Variants in TAS1R1 observed in about 807,000 individuals in gnomAD.
TAS1R1 encodes the protein taste receptor type 1 member 1.
Under a neutral mutation model 45.8 loss-of-function variants are expected in TAS1R1, and 31 were observed. That is an observed-to-expected ratio of 0.68 (90% confidence interval 0.51 to 0.91). TAS1R1 has a LOEUF of 0.91. Ranked by LOEUF, TAS1R1 falls within the 40% of genes least tolerant of loss-of-function variation. The pLI is 0.00. For synonymous variants in TAS1R1, 437 were observed against 448.4 expected (o/e 0.97, Z 0.32); for missense variants, 1,051 against 1,063.9 (o/e 0.99, Z 0.17).
At position 6,579,249 on chromosome 1, in the gene TAS1R1, G is replaced by T. The variant is rs774751307; in HGVS notation, c.2191G>T (p.Ala731Ser). The part of the protein sequence containing the change: ...TETNSLGFIL[A>S]FLYNGLLSIS... ...GACCAACTCCCTGGGCTTCATACTG[G>T]CCTTCCTCTACAATGGCCTCCTCTC... Residue 731 changes from alanine to serine, a missense_variant, in exon 6 of 6, where the codon GCC (alanine) becomes TCC (serine). Physicochemically the swap from Ala to Ser is moderately conservative, Grantham distance 99 (BLOSUM62 1). Coordinates refer to ENST00000333172, the MANE Select transcript of TAS1R1 (RefSeq NM_138697.4). 24 of 1,614,166 alleles carry T rather than the reference G, an allele frequency of 1.5e-5. No individual in the cohort carries two copies. In the South Asian group the frequency reaches 2.3e-4, roughly 16 times the overall value.
rs796446572 is a variant in TAS1R1, at chr1:6,558,039, T to G, written c.191+2475T>G. ...GGTTAAGCAGGTGTAGTGGTTAGTT[T>G]TTGTTTTTGTTTTTGTTTTTTTTCT... On this transcript the variant is annotated intron_variant, in intron 1 of 5. Transcript: ENST00000333172. Among the ~76,000 whole-genome samples the G allele has an allele frequency of 2.3e-4, 34 of 145,514 alleles. 1 individual carries two copies. The highest frequency in any genetic ancestry group is 7.4e-4 in the African/African-American group (27 of 36,346).
intron 3 of TAS1R1, 46 bp from the exon 4 acceptor site, chr1:6,576,369 G>C (rs1202746051): frequency 5.6e-6 from 9 of 1,592,956 alleles, no homozygotes; most frequent in African/African-American, 1.3e-5. Context: ...GGGACCATGT[G>C]GGTCTGTGCT....
In TAS1R1 at chr1:6,579,154, T is replaced by G. The variant is rs763272067; in HGVS notation, c.2096T>G (p.Val699Gly). Reference protein sequence around the residue: ...AQLLICLTWLVVWTPLPAREY... With the variant: ...AQLLICLTWLGVWTPLPAREY... ...CTGCTTATCTGTCTAACTTGGCTGG[T>G]GGTGTGGACCCCACTGCCTGCTAGG... The change falls in exon 6 of 6, where the codon GTG becomes GGG. Residue 699 changes from valine (V) to glycine (G), a missense_variant. By Grantham distance (109) the Val-to-Gly change is moderately radical. Transcript: ENST00000333172. 5 of 1,614,198 alleles carry G rather than the reference T, an allele frequency of 3.1e-6. No homozygotes were observed. The highest frequency in any genetic ancestry group is 4.2e-6 in the Non-Finnish European group (5 of 1,180,030).
At position 6,575,154 on chromosome 1, in the gene TAS1R1, A is replaced by G. The variant is rs762326210; in HGVS notation, c.1022A>G (p.Tyr341Cys). 11 of 1,592,446 alleles carry G rather than the reference A, an allele frequency of 6.9e-6. No individual in the cohort carries two copies. Among genetic ancestry groups the G allele is most frequent in the South Asian group, 1.1e-5 (1 of 87,530 alleles). Residue 341 changes from tyrosine (Y) to cysteine (C), a missense_variant, in exon 3 of 6, where the codon TAT becomes TGT. By Grantham distance (194) the Tyr-to-Cys change is radical. Transcript: ENST00000333172. ...GGCCTGAAGGCGTTTGAAGAAGCCT[A>G]TGCCCGGGCAGACAAGAAGGCCCCT... ...VPGLKAFEEA[Y>C]ARADKKAPRP...
At chr1:6,560,817 C>T (rs536684314) in intron 1 of TAS1R1, among the ~76,000 whole-genome samples, 69 of 151,988 alleles carry the variant, frequency 4.5e-4, no homozygotes, top group African/African-American at 1.6e-3. Flanking sequence ...CCCGTCTCTA[C>T]AAAAAATACA....
chr1:6,557,495 C>CAT (rs1343721421), intron 1 of TAS1R1, among the ~76,000 whole-genome samples: 1 of 152,194 alleles, frequency 6.6e-6, no homozygotes, highest in Non-Finnish European at 1.5e-5. Flanking sequence ...GTGGTGCAAT[C>CAT]ATAGCTCACT....
intron 1 of TAS1R1, among the ~76,000 whole-genome samples, chr1:6,558,386 T>G (rs1429445518): frequency 1.3e-5 from 2 of 152,064 alleles, no homozygotes; most frequent in Non-Finnish European, 2.9e-5. Flanking sequence ...AGTTGTGTAG[T>G]CAAACATCAG....
At chr1:6,557,907 C>T (rs1639713326) in intron 1 of TAS1R1, among the ~76,000 whole-genome samples, 1 of 152,204 alleles carries the variant, frequency 6.6e-6, no homozygotes, top group African/African-American at 2.4e-5. Context: ...CTGTCCCTGG[C>T]TCATTCCTGG....
chr1:6,573,737 A>G (rs182153736), intron 2 of TAS1R1, among the ~76,000 whole-genome samples: 2 of 151,546 alleles, frequency 1.3e-5, no homozygotes, highest in African/African-American at 4.9e-5. Flanking sequence ...ATCTCGACTC[A>G]CTGCAAGCTC....
At chr1:6,575,842 G>A (rs887182919) in intron 3 of TAS1R1, among the ~76,000 whole-genome samples, 13 of 151,914 alleles carry the variant, frequency 8.6e-5, no homozygotes, top group East Asian at 1.9e-4. Flanking sequence ...ACGGGCGCCC[G>A]CCACCACGCC....
At chr1:6,561,670 G>T (rs548729027) in intron 1 of TAS1R1, among the ~76,000 whole-genome samples, 1 of 151,164 alleles carries the variant, frequency 6.6e-6, no homozygotes, top group African/African-American at 2.4e-5. Flanking sequence ...AGCCCAGCTC[G>T]CGCCACCGCA....
At chr1:6,564,982 T>C (rs561451313) in intron 1 of TAS1R1, among the ~76,000 whole-genome samples, 4 of 151,730 alleles carry the variant, frequency 2.6e-5, no homozygotes, top group South Asian at 2.1e-4. Context: ...TTATGTCTCT[T>C]AGTGCGGTGA....
chr1:6,574,822 C>T lies in TAS1R1; in HGVS notation c.690C>T (p.Asn230=). 1 of 1,614,250 alleles carries T rather than the reference C, an allele frequency of 6.2e-7. No individual in the cohort carries two copies. The change falls in exon 3 of 6, where the codon AAC becomes AAT. Residue 230 remains asparagine, a synonymous_variant. Transcript: ENST00000333172. This position sits in a 1 kb window ranked among gnomAD's most constrained non-coding sequence, Gnocchi z 4.3. ...AGCTAGGGGTGCAGGCACTGGAGAA[C>T]CAGGCCACTGGTCAGGGGATCTGCA... The part of the protein sequence containing the change: ...YGQLGVQALE[N]QATGQGICIA...
chr1:6,573,646 T>C (rs949018783), intron 2 of TAS1R1, among the ~76,000 whole-genome samples: 4 of 151,778 alleles, frequency 2.6e-5, no homozygotes, highest in African/African-American at 9.7e-5. Context: ...TTACATTTAT[T>C]TATTTATTTA....
chr1:6,571,249 C>T, intron 2 of TAS1R1, 34 bp downstream of exon 2: 1 of 1,529,188 alleles, frequency 6.5e-7, no homozygotes, highest in Non-Finnish European at 8.8e-7. Context: ...GCCCATCTCC[C>T]TTCAGGCAAG....
intron 1 of TAS1R1, among the ~76,000 whole-genome samples, chr1:6,565,052 T>A (rs1157950690): frequency 3.3e-5 from 5 of 151,970 alleles, no homozygotes; most frequent in African/African-American, 1.2e-4. Context: ...CGCACCGATA[T>A]GGAAGGATTA....
At chr1:6,576,805 C>A (rs1640191666) in intron 4 of TAS1R1, 145 bp from the exon 5 acceptor site, 16 of 1,433,560 alleles carry the variant, frequency 1.1e-5, no homozygotes, top group Non-Finnish European at 1.5e-5. Flanking sequence ...TGTGCAGATG[C>A]CCTGGGGCGG....
At chr1:6,563,647 G>A (rs962675007) in intron 1 of TAS1R1, among the ~76,000 whole-genome samples, 4 of 152,144 alleles carry the variant, frequency 2.6e-5, no homozygotes, top group Admixed American at 6.6e-5. Flanking sequence ...ATGGGGTTGG[G>A]CTGGTTTAGT....
At chr1:6,573,155 T>C (rs1640063885) in intron 2 of TAS1R1, among the ~76,000 whole-genome samples, 2 of 152,152 alleles carry the variant, frequency 1.3e-5, no homozygotes, top group Non-Finnish European at 2.9e-5. Flanking sequence ...GATACGCTCA[T>C]GAAATGCAAG....
Sources: allele counts gnomAD v4.1 joint callset (sites outside exome capture counted in the v4.1 genomes callset), GRCh38; gene constraint gnomAD v4.1.1; non-coding constraint Gnocchi (gnomAD v3.1); transcripts MANE v1.5; gene names NCBI Gene and HGNC (gene_info 2026-07-23, HGNC 2026-07-21).